Variants in CNTN5 observed in about 807,000 individuals in gnomAD.
CNTN5 encodes contactin 5.
In CNTN5, 77 loss-of-function variants were observed where a neutral mutation model predicts 129.1. The observed-to-expected ratio is 0.60, with a 90% CI of 0.50 to 0.72. CNTN5 has a LOEUF of 0.72. CNTN5 is among the 30% of genes least tolerant of loss of function. The probability of loss-of-function intolerance (pLI) is 0.00; values close to 1 mark genes in which losing one functional copy is unlikely to be tolerated. For synonymous variants in CNTN5, 509 were observed against 465.6 expected (o/e 1.09, Z -1.20); for missense variants, 1,478 against 1,328.8 (o/e 1.11, Z -1.75).
chr11:99,993,229 C>T (rs1424981679), intron 8 of CNTN5, among the ~76,000 whole-genome samples: 1 of 152,140 alleles, frequency 6.6e-6, no homozygotes, highest in East Asian at 1.9e-4. Flanking sequence ...CTATTATACT[C>T]TGTGATTGAA....
In CNTN5 at chr11:99,058,901, T is replaced by C. The variant is rs907584124; in HGVS notation, c.-210+37631T>C. On this transcript the variant is annotated intron_variant, in intron 1 of 24. Transcript: ENST00000524871. ...ATGGAGGTTGGGGAGAAAGGGAAAC[T>C]GATGGTGGGCAGTTATATATATTAT... Among the ~76,000 whole-genome samples the C allele has an allele frequency of 2.0e-5, 3 of 150,856 alleles. No homozygotes were observed. In the Admixed American group the frequency reaches 2.0e-4, roughly 10 times the overall value.
At chr11:99,163,297 TAAACA>T (rs979128675) in intron 1 of CNTN5, among the ~76,000 whole-genome samples, 2 of 152,174 alleles carry the variant, frequency 1.3e-5, no homozygotes, top group Non-Finnish European at 2.9e-5. Context: ...TTATTTATTT[TAAACA>T]AAACAAAACA....
Position 100,070,628 on chromosome 11 carries a change from C to T in CNTN5, c.1299+68C>T, listed in dbSNP as rs1943885003. The T allele has an allele frequency of 3.4e-6, 5 of 1,450,422 alleles. No individual in the cohort carries two copies. In the South Asian group the frequency reaches 4.8e-5, roughly 14 times the overall value. 89.8% of individuals were successfully genotyped at this position (1,450,422 alleles called of 1,614,324 possible). On this transcript the variant is annotated intron_variant, in intron 11 of 24. Transcript: ENST00000524871. ...GAGATTTCACACAGGACAAACTAGG[C>T]TTCTTTAGTCTTATTGAAAGCCTTT...
intron 1 of CNTN5, among the ~76,000 whole-genome samples, chr11:99,042,617 T>C (rs4754579): frequency 0.091 from 13,845 of 151,950 alleles, 1,165 homozygotes; most frequent in East Asian, 0.23. Flanking sequence ...CCTTGTGATC[T>C]GCCTGTCTCG....
rs149970330 is a variant in CNTN5 at position 99,708,833 on chromosome 11, C to T, written c.56-110711C>T. On this transcript the variant is annotated intron_variant, in intron 3 of 24. Transcript: ENST00000524871. ...TTCTCATTTTCTTTATTCAGAGTTA[C>T]GAATCCTGTCCAACTTGGCTTATAT... Among the ~76,000 whole-genome samples the T allele has an allele frequency of 3.0e-3, 462 of 151,792 alleles. 2 individuals carry two copies. The highest frequency in any genetic ancestry group is 9.3e-3 in the African/African-American group (385 of 41,464).
chr11:100,299,252 G>A lies in CNTN5; in HGVS notation c.2476G>A (p.Val826Met), dbSNP rs1951166762. The change falls in exon 20 of 25, where the codon GTG becomes ATG. Residue 826 changes from valine to methionine, a missense_variant. Val to Met is a conservative substitution (Grantham distance 21, BLOSUM62 1). Coordinates refer to ENST00000524871, the MANE Select transcript of CNTN5 (RefSeq NM_014361.4). ...AACACGTGGCTGGAAGGAAAAAATG[G>A]TGACATCCTCTGAAGCTTCCAAATT... ...NGTRGWKEKMVTSSEASKFIY... is the reference protein window; with the variant it reads ...NGTRGWKEKMMTSSEASKFIY... The A allele has an allele frequency of 6.2e-7, 1 of 1,610,520 alleles. No homozygotes were observed. The highest frequency in any genetic ancestry group is 8.5e-7 in the Non-Finnish European group (1 of 1,177,690).
intron 6 of CNTN5, among the ~76,000 whole-genome samples, chr11:99,857,567 T>A (rs1948078797): frequency 6.6e-6 from 1 of 152,164 alleles, no homozygotes; most frequent in Non-Finnish European, 1.5e-5. Context: ...TTAATAACTA[T>A]GTTGAATAGA....
At chr11:99,821,314 T>C (rs574763042) in intron 4 of CNTN5, among the ~76,000 whole-genome samples, 2 of 152,278 alleles carry the variant, frequency 1.3e-5, no homozygotes, top group African/African-American at 2.4e-5. Context: ...CAATAAATAT[T>C]GGGACATAAG....
chr11:99,587,139 G>A (rs1247469731), intron 3 of CNTN5, among the ~76,000 whole-genome samples: 2 of 152,124 alleles, frequency 1.3e-5, no homozygotes, highest in Admixed American at 1.3e-4. Flanking sequence ...CTAAGAAAGA[G>A]CAACTCAGAA....
At position 100,043,953 on chromosome 11, in the gene CNTN5, T is replaced by C. The variant is rs558684813; in HGVS notation, c.981-17259T>C. Among the ~76,000 whole-genome samples the C allele has an allele frequency of 2.9e-3, 446 of 152,242 alleles. 1 individual carries two copies. Among genetic ancestry groups the C allele is most frequent in the Non-Finnish European group, 4.9e-3 (332 of 68,002 alleles). The stretch of plus-strand genomic sequence containing the variant: ...AGTTTTGTTACATGTATATATTGTG[T>C]AGTGGTGAAGTGTGTTTAGTGTAAC... On this transcript the variant is annotated intron_variant, in intron 9 of 24. Coordinates refer to ENST00000524871, the MANE Select transcript of CNTN5 (RefSeq NM_014361.4).
chr11:100,296,868 G>A (rs928967742), intron 18 of CNTN5, among the ~76,000 whole-genome samples: 1 of 151,520 alleles, frequency 6.6e-6, no homozygotes, highest in Non-Finnish European at 1.5e-5. Context: ...AGGCAACACT[G>A]AAGTGTAAAA....
chr11:99,692,424 C>G (rs1211162445), intron 3 of CNTN5, among the ~76,000 whole-genome samples: 7 of 152,078 alleles, frequency 4.6e-5, no homozygotes, highest in Admixed American at 4.6e-4. Flanking sequence ...ACTTGTAACA[C>G]CGGTCTGGTG....
intron 2 of CNTN5, among the ~76,000 whole-genome samples, chr11:99,344,245 A>G (rs1342562719): frequency 6.6e-6 from 1 of 152,148 alleles, no homozygotes. Flanking sequence ...AAGGATCTGT[A>G]TTTTCAAAAA....
chr11:99,341,698 A>G (rs1399446088), intron 2 of CNTN5, among the ~76,000 whole-genome samples: 4 of 152,214 alleles, frequency 2.6e-5, no homozygotes, highest in African/African-American at 7.2e-5. Flanking sequence ...AAAAGAAAAG[A>G]AAAAGGACAA....
intron 3 of CNTN5, among the ~76,000 whole-genome samples, chr11:99,593,544 C>T (rs1741042429): frequency 6.6e-6 from 1 of 152,146 alleles, no homozygotes; most frequent in South Asian, 2.1e-4. Context: ...CTCTTATCTT[C>T]ACTATCTTCA....
At chr11:99,724,923 A>C (rs1943288928) in intron 3 of CNTN5, among the ~76,000 whole-genome samples, 1 of 152,228 alleles carries the variant, frequency 6.6e-6, no homozygotes. Flanking sequence ...ATGATATCAA[A>C]ACAGAATTTA....
At chr11:99,397,766 C>T (rs2136203158) in intron 2 of CNTN5, among the ~76,000 whole-genome samples, 1 of 151,798 alleles carries the variant, frequency 6.6e-6, no homozygotes, top group South Asian at 2.1e-4. Flanking sequence ...ATATTTCCTT[C>T]CTCAGTCCTA....
At chr11:99,539,148 A>G (rs1214340128) in intron 2 of CNTN5, among the ~76,000 whole-genome samples, 2 of 152,120 alleles carry the variant, frequency 1.3e-5, no homozygotes, top group East Asian at 3.8e-4. Flanking sequence ...ATGATCATAA[A>G]TTATGAAATG....
intron 1 of CNTN5, among the ~76,000 whole-genome samples, chr11:99,172,973 C>T (rs537982211): frequency 4.7e-4 from 71 of 152,294 alleles, no homozygotes; most frequent in African/African-American, 1.7e-3. Context: ...TACAGTTCCA[C>T]GTGGCAGAAG....
Sources: allele counts gnomAD v4.1 joint callset (sites outside exome capture counted in the v4.1 genomes callset), GRCh38; gene constraint gnomAD v4.1.1; transcripts MANE v1.5; gene names NCBI Gene and HGNC (gene_info 2026-07-23, HGNC 2026-07-21).